The following SIRPD variants were observed in gnomAD, a reference collection of about 807,000 sequenced individuals.
SIRPD encodes signal regulatory protein delta.
A neutral mutation model predicts 18.0 loss-of-function variants in SIRPD; 21 were observed. The observed-to-expected ratio is 1.17, with a 90% CI of 0.83 to 1.68. The LOEUF (loss-of-function observed/expected upper bound fraction) is 1.68, where lower values mean the gene tolerates loss of function less well. Ranked by LOEUF, SIRPD falls within the 40% of genes most tolerant of loss-of-function variation. SIRPD has a pLI of 0.00. For missense variants in SIRPD, 295 were observed against 238.4 expected (o/e 1.24, Z -1.56); for synonymous variants, 106 against 92.9 (o/e 1.14, Z -0.81).
intron 2 of SIRPD, among the ~76,000 whole-genome samples, chr20:1,546,536 G>A (rs776673838): frequency 1.2e-4 from 18 of 152,166 alleles, no homozygotes; most frequent in Non-Finnish European, 2.5e-4. Context: ...TAGTGTGAAT[G>A]CTGTTATAAA....
Position 1,537,318 on chromosome 20 carries a change from G to C in SIRPD, c.422-8C>G. On this transcript the variant is annotated splice_polypyrimidine_tract_variant and splice_region_variant and intron_variant, in intron 2 of 3. Transcript: ENST00000381623. ...GAGGTCTTGGATTCTGCTCTGCTGA[G>C]AGAGGCAAAACTATGTGTTCCATGA... The C allele has an allele frequency of 6.2e-7, 1 of 1,612,718 alleles. No individual in the cohort carries two copies. The highest frequency in any genetic ancestry group is 8.5e-7 in the Non-Finnish European group (1 of 1,179,100).
intron 2 of SIRPD, among the ~76,000 whole-genome samples, chr20:1,549,214 C>T (rs2091007312): frequency 1.3e-5 from 2 of 151,892 alleles, no homozygotes; most frequent in Non-Finnish European, 2.9e-5. Context: ...TTATTGATAT[C>T]TTCTATTTGA....
At position 1,548,051 on chromosome 20, in the gene SIRPD, T is replaced by C. The variant is rs58367945; in HGVS notation, c.421+3640A>G. The stretch of plus-strand genomic sequence containing the variant: ...AATAGAGATAGTTTTACTTCATTCT[T>C]TCCAATTTGGATTGTTTTTATTACT... On this transcript the variant is annotated intron_variant, in intron 2 of 3. Transcript: ENST00000381623. Among the ~76,000 whole-genome samples the C allele has an allele frequency of 9.1e-3, 1,390 of 152,326 alleles. 22 individuals are homozygous for C. Among genetic ancestry groups the C allele is most frequent in the African/African-American group, 0.033 (1,356 of 41,562 alleles).
intron 2 of SIRPD, among the ~76,000 whole-genome samples, chr20:1,550,118 G>A (rs1399232487): frequency 6.6e-6 from 1 of 152,144 alleles, no homozygotes; most frequent in East Asian, 1.9e-4. Flanking sequence ...CTGGGTTCCA[G>A]TACCCATAAC....
At position 1,543,502 on chromosome 20, in the gene SIRPD, T is replaced by A. The variant is rs537607057; in HGVS notation, c.422-6192A>T. 8.5e-4 allele frequency among the ~76,000 whole-genome samples: 129 copies of A among 152,280 alleles called. 2 individuals carry two copies. Among genetic ancestry groups the A allele is most frequent in the Non-Finnish European group, 3.5e-4 (24 of 68,014 alleles). On this transcript the variant is annotated intron_variant, in intron 2 of 3. Transcript: ENST00000381623. ...CCTTCTTCATTTTTTATTGTGTCTATTTGATTCTTCTCTCTTTTCTTCTTT... is the reference window on the plus strand; with the variant it reads ...CCTTCTTCATTTTTTATTGTGTCTAATTGATTCTTCTCTCTTTTCTTCTTT...
At chr20:1,542,017 T>G (rs2090974197) in intron 2 of SIRPD, among the ~76,000 whole-genome samples, 1 of 152,218 alleles carries the variant, frequency 6.6e-6, no homozygotes, top group Non-Finnish European at 1.5e-5. Context: ...TTCATATCAG[T>G]ACCATGCTGT....
At chr20:1,556,808 C>T (rs2091043186) in intron 1 of SIRPD, among the ~76,000 whole-genome samples, 1 of 152,204 alleles carries the variant, frequency 6.6e-6, no homozygotes, top group Non-Finnish European at 1.5e-5. Context: ...ACCAACCCTG[C>T]CCACACTTCG....
chr20:1,545,919 TC>T (rs2090991728), intron 2 of SIRPD, among the ~76,000 whole-genome samples: 1 of 152,210 alleles, frequency 6.6e-6, no homozygotes, highest in Non-Finnish European at 1.5e-5. Flanking sequence ...CCACTCCAGA[TC>T]CTGTTTTCGT....
At position 1,535,858 on chromosome 20, in the gene SIRPD, C is replaced by T. The variant is rs187701295; in HGVS notation, c.577+1297G>A. ...TGCAATTTTGTTGTGATACTGAAAC[C>T]TGAAAATCTTTGAGAAACACTCAGG... is the stretch of plus-strand genomic sequence containing the variant. On this transcript the variant is annotated intron_variant, in intron 3 of 3. Coordinates refer to ENST00000381623, the MANE Select transcript of SIRPD (RefSeq NM_178460.3). Among the ~76,000 whole-genome samples the T allele has an allele frequency of 1.1e-3, 167 of 152,190 alleles. No individual in the cohort carries two copies. In the Middle Eastern group the frequency reaches 0.024, roughly 22 times the overall value.
intron 1 of SIRPD, among the ~76,000 whole-genome samples, chr20:1,556,696 G>T (rs1457393378): frequency 2.0e-5 from 3 of 152,184 alleles, no homozygotes; most frequent in Non-Finnish European, 4.4e-5. Flanking sequence ...AGGATACAGG[G>T]AGGGTGGTGC....
chr20:1,542,766 G>T (rs903654971), intron 2 of SIRPD, among the ~76,000 whole-genome samples: 3 of 152,114 alleles, frequency 2.0e-5, no homozygotes, highest in Non-Finnish European at 4.4e-5. Flanking sequence ...TATGATACTG[G>T]CTGTGTCATA....
At chr20:1,545,112 G>C (rs1199455217) in intron 2 of SIRPD, among the ~76,000 whole-genome samples, 1 of 152,124 alleles carries the variant, frequency 6.6e-6, no homozygotes, top group African/African-American at 2.4e-5. Flanking sequence ...TCTTCTCGAG[G>C]AGTATCTTTG....
chr20:1,551,810 G>C lies in SIRPD; in HGVS notation c.302C>G (p.Ser101Cys). Residue 101 changes from serine (S) to cysteine (C), a missense_variant, in exon 2 of 4, where the codon TCC becomes TGC. Physicochemically the swap from Ser to Cys is moderately radical, Grantham distance 112 (BLOSUM62 -1). Coordinates refer to ENST00000381623, the MANE Select transcript of SIRPD (RefSeq NM_178460.3). ...AAGAGAGATTTCACGGATGCGGGTGGAAAAGTCTGTGTTGCCAGGCTTGGT... is the reference window on the plus strand; with the variant it reads ...AAGAGAGATTTCACGGATGCGGGTGCAAAAGTCTGTGTTGCCAGGCTTGGT... ...DTTKPGNTDF[S>C]TRIREISLAD... 6.2e-7 allele frequency: 1 copy of C among 1,614,088 alleles called. No individual in the cohort carries two copies. Among genetic ancestry groups the C allele is most frequent in the Non-Finnish European group, 8.5e-7 (1 of 1,179,980 alleles).
chr20:1,546,656 G>A (rs1422180625), intron 2 of SIRPD, among the ~76,000 whole-genome samples: 3 of 152,314 alleles, frequency 2.0e-5, no homozygotes, highest in Non-Finnish European at 2.9e-5. Flanking sequence ...TGTTTGAGGA[G>A]CTGCCTATCT....
intron 2 of SIRPD, among the ~76,000 whole-genome samples, chr20:1,544,970 C>G (rs1297132910): frequency 6.6e-6 from 1 of 152,164 alleles, no homozygotes. Context: ...TGTACGGTTT[C>G]TGAAGAGAGA....
At chr20:1,539,753 G>A (rs1037954871) in intron 2 of SIRPD, among the ~76,000 whole-genome samples, 1 of 152,200 alleles carries the variant, frequency 6.6e-6, no homozygotes, top group Admixed American at 6.5e-5. Context: ...TTCTTGAGGA[G>A]AAGCAGCTGC....
chr20:1,553,548 G>A (rs933966131), intron 1 of SIRPD, among the ~76,000 whole-genome samples: 4 of 152,304 alleles, frequency 2.6e-5, no homozygotes, highest in South Asian at 4.1e-4. Flanking sequence ...TATACACAAT[G>A]CATATACCTG....
chr20:1,551,311 T>TA (rs1385948959), intron 2 of SIRPD, among the ~76,000 whole-genome samples: 2 of 152,170 alleles, frequency 1.3e-5, no homozygotes, highest in Non-Finnish European at 2.9e-5. Flanking sequence ...AGGGAAGAAT[T>TA]ACTTTAGATT....
chr20:1,535,156 C>T (rs1200655890), intron 3 of SIRPD, among the ~76,000 whole-genome samples: 1 of 152,148 alleles, frequency 6.6e-6, no homozygotes, highest in African/African-American at 2.4e-5. Context: ...TATATATTTA[C>T]ATAGAAAAGG....
Sources: allele counts gnomAD v4.1 joint callset (sites outside exome capture counted in the v4.1 genomes callset), GRCh38; gene constraint gnomAD v4.1.1; transcripts MANE v1.5; gene names NCBI Gene and HGNC (gene_info 2026-07-23, HGNC 2026-07-21).